Variants in DRC9 observed in about 807,000 individuals in gnomAD.
DRC9 encodes dynein regulatory complex subunit 9.
the DRC9 span, among the ~76,000 whole-genome samples, chr3:197,942,174 G>A: frequency 3.9e-5 from 6 of 152,028 alleles, no homozygotes; most frequent in South Asian, 2.1e-4. Flanking sequence ...CTAACAGCAC[G>A]TAACTATATC....
At chr3:197,951,357 C>A in the DRC9 span, 1 of 1,597,938 alleles carries the variant, frequency 6.3e-7, no homozygotes, top group East Asian at 2.2e-5. Flanking sequence ...AGATCTGCCT[C>A]ATTTTCTTTT....
chr3:197,904,798 T>G, the DRC9 span, among the ~76,000 whole-genome samples: 2 of 152,128 alleles, frequency 1.3e-5, no homozygotes, highest in African/African-American at 2.4e-5. Context: ...AGGCAGAGAT[T>G]GCAGTGAGCC....
At chr3:197,948,989 G>T in the DRC9 span, among the ~76,000 whole-genome samples, 2 of 152,118 alleles carry the variant, frequency 1.3e-5, no homozygotes, top group African/African-American at 2.4e-5. Flanking sequence ...TCACCCTTCT[G>T]TTCAGGACCC....
the DRC9 span, among the ~76,000 whole-genome samples, chr3:197,928,312 G>T: frequency 6.7e-6 from 1 of 149,872 alleles, no homozygotes; most frequent in Non-Finnish European, 1.5e-5. Flanking sequence ...TATTTAGCAG[G>T]TGAACACATG....
chr3:197,917,935 A>C, the DRC9 span, among the ~76,000 whole-genome samples: 1 of 151,620 alleles, frequency 6.6e-6, no homozygotes, highest in Non-Finnish European at 1.5e-5. Context: ...GGGTTTCACC[A>C]TGTTGGCCAG....
the DRC9 span, among the ~76,000 whole-genome samples, chr3:197,890,604 A>G: frequency 1.3e-5 from 2 of 152,166 alleles, no homozygotes; most frequent in South Asian, 4.1e-4. Flanking sequence ...GTCAGACTAA[A>G]CCCTAAAGAC....
At chr3:197,907,608 TGA>T in the DRC9 span, among the ~76,000 whole-genome samples, 1 of 152,278 alleles carries the variant, frequency 6.6e-6, no homozygotes, top group Non-Finnish European at 1.5e-5. Context: ...GATTTCCTTC[TGA>T]GTTAGTTATC....
chr3:197,938,782 T>C, the DRC9 span: 1 of 1,597,894 alleles, frequency 6.3e-7, no homozygotes, highest in Non-Finnish European at 8.6e-7. Context: ...TCTGCTTTTC[T>C]TTTAAAACAA....
the DRC9 span, among the ~76,000 whole-genome samples, chr3:197,939,186 A>G: frequency 1.4e-4 from 21 of 152,328 alleles, no homozygotes; most frequent in African/African-American, 4.8e-4. Flanking sequence ...TATTTTTGGA[A>G]CAAGATTGGA....
At chr3:197,931,842 G>T in the DRC9 span, among the ~76,000 whole-genome samples, 2 of 151,910 alleles carry the variant, frequency 1.3e-5, no homozygotes, top group Non-Finnish European at 2.9e-5. Flanking sequence ...AGCCAGGATG[G>T]TCTTGATCTC....
the DRC9 span, among the ~76,000 whole-genome samples, chr3:197,944,404 A>G: frequency 0.21 from 31,666 of 151,422 alleles, 4,599 homozygotes; most frequent in African/African-American, 0.42. Context: ...GATTACAGGC[A>G]TGTGCTACCA....
chr3:197,948,416 G>C, the DRC9 span, among the ~76,000 whole-genome samples: 1 of 152,168 alleles, frequency 6.6e-6, no homozygotes, highest in Non-Finnish European at 1.5e-5. Context: ...TGTTACGTTA[G>C]TGTCAGTTTC....
At chr3:197,901,645 G>A in the DRC9 span, among the ~76,000 whole-genome samples, 1 of 152,266 alleles carries the variant, frequency 6.6e-6, no homozygotes, top group Non-Finnish European at 1.5e-5. This position sits in a 1 kb window ranked among gnomAD's most constrained non-coding sequence, Gnocchi z 4.4. Context: ...TCCTCCGCAT[G>A]TGGAAAGCAG....
At chr3:197,913,190 TTTC>T in the DRC9 span, 1 of 171,950 alleles carries the variant, frequency 5.8e-6, no homozygotes, top group Non-Finnish European at 1.2e-5. Context: ...TCTTTCTTGT[TTTC>T]TTTTCTTTTT....
chr3:197,950,815 C>A, the DRC9 span: 1 of 821,462 alleles, frequency 1.2e-6, no homozygotes. Context: ...CATTGTTGTC[C>A]CCGAACTCCT....
At chr3:197,914,294 C>T in the DRC9 span, among the ~76,000 whole-genome samples, 5 of 152,124 alleles carry the variant, frequency 3.3e-5, no homozygotes, top group Non-Finnish European at 5.9e-5. Context: ...TGCTGTACTC[C>T]GTATGTCCCA....
the DRC9 span, among the ~76,000 whole-genome samples, chr3:197,921,629 A>G: frequency 6.6e-6 from 1 of 151,784 alleles, no homozygotes. Context: ...GGTCGACCCG[A>G]CTACTGGTTT....
the DRC9 span, chr3:197,950,135 G>A: frequency 8.1e-7 from 1 of 1,231,684 alleles, no homozygotes; most frequent in Admixed American, 4.2e-5. Context: ...TGCCTAAATT[G>A]AGGGCGGAGT....
At chr3:197,944,064 T>C in the DRC9 span, 1 of 1,598,738 alleles carries the variant, frequency 6.3e-7, no homozygotes, top group Non-Finnish European at 8.5e-7. Context: ...AAGGAAAGAA[T>C]AAAGAAAAAA....
Sources: allele counts gnomAD v4.1 joint callset (sites outside exome capture counted in the v4.1 genomes callset), GRCh38; gene constraint gnomAD v4.1.1; non-coding constraint Gnocchi (gnomAD v3.1); transcripts MANE v1.5; gene names NCBI Gene and HGNC (gene_info 2026-07-23, HGNC 2026-07-21).